The following SCFD2 variants were observed in gnomAD, a reference collection of about 807,000 sequenced individuals.
SCFD2 encodes the protein sec1 family domain containing 2, also known as sec1 family domain-containing protein 2.
Under a neutral mutation model 58.9 loss-of-function variants are expected in SCFD2, and 54 were observed. That is an observed-to-expected ratio of 0.92 (90% confidence interval 0.74 to 1.15). SCFD2 has a LOEUF of 1.15. Among genes scored for constraint, SCFD2 ranks in the 50% most tolerant of loss-of-function variants. The pLI, the probability that SCFD2 is intolerant of heterozygous loss-of-function variation, is 0.00. For synonymous variants in SCFD2, 321 were observed against 335.9 expected (o/e 0.96, Z 0.49); for missense variants, 805 against 836.6 (o/e 0.96, Z 0.47).
At chr4:53,322,515 G>A (rs1374839401) in intron 2 of SCFD2, among the ~76,000 whole-genome samples, 5 of 152,070 alleles carry the variant, frequency 3.3e-5, no homozygotes, top group Non-Finnish European at 7.4e-5. Flanking sequence ...TTTCATCTCA[G>A]TATAAACATT....
chr4:53,095,421 A>G (rs1389783831), intron 5 of SCFD2, among the ~76,000 whole-genome samples: 6 of 151,986 alleles, frequency 3.9e-5, no homozygotes, highest in Non-Finnish European at 8.8e-5. Context: ...CTATATATAT[A>G]TATAATCTGA....
At chr4:53,122,368 C>A (rs536086737) in intron 5 of SCFD2, among the ~76,000 whole-genome samples, 2 of 151,370 alleles carry the variant, frequency 1.3e-5, no homozygotes, top group East Asian at 3.9e-4. Context: ...CAGAGCGAGA[C>A]TCCGTCTAAA....
chr4:52,940,081 C>A (rs1377434689), intron 5 of SCFD2, among the ~76,000 whole-genome samples: 1 of 152,234 alleles, frequency 6.6e-6, no homozygotes, highest in Admixed American at 6.5e-5. Flanking sequence ...GCTTGCTAGT[C>A]TTCCCTGCTG....
At chr4:53,145,683 A>T (rs1726308652) in intron 4 of SCFD2, 101 bp from the exon 5 acceptor site, 2 of 1,024,434 alleles carry the variant, frequency 2.0e-6, no homozygotes, top group Non-Finnish European at 2.9e-6. Context: ...TCTGTATATG[A>T]TATTTACTGA....
intron 5 of SCFD2, among the ~76,000 whole-genome samples, chr4:53,048,285 G>A (rs1343772178): frequency 1.3e-5 from 2 of 152,054 alleles, no homozygotes; most frequent in East Asian, 3.9e-4. Flanking sequence ...TGGAGGCAGA[G>A]AATGTAGTGA....
At chr4:53,179,606 A>C (rs918895879) in intron 4 of SCFD2, among the ~76,000 whole-genome samples, 1 of 152,226 alleles carries the variant, frequency 6.6e-6, no homozygotes, top group Admixed American at 6.5e-5. Context: ...TGAGCAAAAT[A>C]ACCAGCTAAC....
intron 5 of SCFD2, among the ~76,000 whole-genome samples, chr4:53,119,046 G>A (rs549559590): frequency 1.8e-4 from 27 of 152,240 alleles, no homozygotes; most frequent in Non-Finnish European, 3.1e-4. Flanking sequence ...GTCTGGGCAC[G>A]GTGGCTCATG....
intron 5 of SCFD2, among the ~76,000 whole-genome samples, chr4:53,022,214 C>A (rs1295631999): frequency 3.3e-5 from 5 of 152,154 alleles, no homozygotes; most frequent in African/African-American, 1.2e-4. Flanking sequence ...TAAAAAGGAA[C>A]AAACATGGAA....
At chr4:53,334,767 T>C (rs1024353499) in intron 2 of SCFD2, among the ~76,000 whole-genome samples, 3 of 152,148 alleles carry the variant, frequency 2.0e-5, no homozygotes, top group Non-Finnish European at 2.9e-5. Context: ...AAAAAATTAA[T>C]AGATGCTAAA....
chr4:53,238,092 G>C (rs1166692635), intron 4 of SCFD2, among the ~76,000 whole-genome samples: 2 of 128,158 alleles, frequency 1.6e-5, no homozygotes, highest in Admixed American at 1.5e-4. Context: ...GCGGCTGGCC[G>C]GGCAGAGGGG....
At chr4:53,234,735 T>G (rs1478269747) in intron 4 of SCFD2, among the ~76,000 whole-genome samples, 1 of 152,208 alleles carries the variant, frequency 6.6e-6, no homozygotes, top group African/African-American at 2.4e-5. Flanking sequence ...ATTATTTTGA[T>G]CACTTCCTTA....
At chr4:53,192,448 G>A (rs561772639) in intron 4 of SCFD2, among the ~76,000 whole-genome samples, 74 of 152,286 alleles carry the variant, frequency 4.9e-4, no homozygotes, top group Non-Finnish European at 8.4e-4. Flanking sequence ...AAATTTTCTA[G>A]GGGAAACTGA....
At chr4:53,328,111 G>T (rs1424762307) in intron 2 of SCFD2, among the ~76,000 whole-genome samples, 1 of 151,124 alleles carries the variant, frequency 6.6e-6, no homozygotes, top group African/African-American at 2.4e-5. Flanking sequence ...ACCCAGCCTG[G>T]GTGACAGAGC....
chr4:53,207,284 A>G (rs1025834775), intron 4 of SCFD2, among the ~76,000 whole-genome samples: 8 of 149,924 alleles, frequency 5.3e-5, no homozygotes, highest in Admixed American at 3.4e-4. Context: ...AGCACTGACA[A>G]AACCTAGGAA....
chr4:52,931,159 A>T (rs536017734), intron 5 of SCFD2, among the ~76,000 whole-genome samples: 1 of 152,318 alleles, frequency 6.6e-6, no homozygotes, highest in East Asian at 1.9e-4. Flanking sequence ...GATTGTTTTT[A>T]TTCCATTGAA....
chr4:53,341,967 T>C (rs188732003), intron 2 of SCFD2, among the ~76,000 whole-genome samples: 233 of 152,112 alleles, frequency 1.5e-3, no homozygotes, highest in Non-Finnish European at 2.3e-3. Context: ...GCACTAAACA[T>C]GGAAAGGAAC....
intron 6 of SCFD2, among the ~76,000 whole-genome samples, chr4:52,916,445 G>C (rs534708103): frequency 6.6e-6 from 1 of 152,170 alleles, no homozygotes; most frequent in Admixed American, 6.5e-5. Flanking sequence ...ATGATGGCGC[G>C]CGCCTGTAGT....
intron 6 of SCFD2, among the ~76,000 whole-genome samples, chr4:52,913,338 T>C (rs1330689523): frequency 6.6e-6 from 1 of 152,194 alleles, no homozygotes; most frequent in East Asian, 1.9e-4. Context: ...CATTACCGCC[T>C]GAGTTCCGCC....
intron 5 of SCFD2, among the ~76,000 whole-genome samples, chr4:53,049,777 T>G (rs1256815209): frequency 6.6e-6 from 1 of 152,306 alleles, no homozygotes; most frequent in South Asian, 2.1e-4. Flanking sequence ...ATAATGATAA[T>G]GACTACCTTA....
Sources: allele counts gnomAD v4.1 joint callset (sites outside exome capture counted in the v4.1 genomes callset), GRCh38; gene constraint gnomAD v4.1.1; transcripts MANE v1.5; gene names NCBI Gene and HGNC (gene_info 2026-07-23, HGNC 2026-07-21).